Variants in SIPA1L3 observed in about 807,000 individuals in gnomAD.
SIPA1L3 encodes the protein signal-induced proliferation-associated 1-like protein 3.
A neutral mutation model predicts 150.1 loss-of-function variants in SIPA1L3; 59 were observed. That is an observed-to-expected ratio of 0.39 (90% CI 0.32 to 0.49). The LOEUF (loss-of-function observed/expected upper bound fraction) is 0.49, where lower values mean the gene tolerates loss of function less well. Among genes scored for constraint, SIPA1L3 ranks in the 20% least tolerant of loss-of-function variants. The probability of loss-of-function intolerance (pLI) is 0.86; values close to 1 mark genes in which losing one functional copy is unlikely to be tolerated. For missense variants in SIPA1L3, 2,211 were observed against 2,489.5 expected (o/e 0.89, Z 2.38); for synonymous variants, 1,070 against 1,077.6 (o/e 0.99, Z 0.14).
chr19:38,153,193 C>T (rs544494844), intron 13 of SIPA1L3, among the ~76,000 whole-genome samples: 20 of 152,334 alleles, frequency 1.3e-4, no homozygotes, highest in Non-Finnish European at 5.9e-5. Context: ...GGCGTCTGCT[C>T]CCGCTGATAA....
chr19:38,072,880 G>A (rs902148778), intron 2 of SIPA1L3, among the ~76,000 whole-genome samples: 6 of 152,250 alleles, frequency 3.9e-5, no homozygotes, highest in African/African-American at 1.4e-4. Context: ...TGGGCCTTTT[G>A]GAGCCAAGAC....
chr19:38,105,533 C>T (rs1487407472), intron 6 of SIPA1L3, among the ~76,000 whole-genome samples: 1 of 152,178 alleles, frequency 6.6e-6, no homozygotes, highest in African/African-American at 2.4e-5. Flanking sequence ...CCATAACCCT[C>T]CCTCCTATTA....
chr19:38,147,355 A>T (rs1446511801), intron 12 of SIPA1L3, among the ~76,000 whole-genome samples: 1 of 152,114 alleles, frequency 6.6e-6, no homozygotes, highest in Non-Finnish European at 1.5e-5. Flanking sequence ...ATGAGCCACC[A>T]CACCCAGCCT....
rs1178645530 is a variant in SIPA1L3 at position 37,997,882 on chromosome 19, G to GA, written c.-378-31203dup. Among the ~76,000 whole-genome samples, 134 of 144,838 alleles carry GA rather than the reference G, an allele frequency of 9.3e-4. 2 individuals are homozygous for GA. The East Asian group carries it at 0.018, about 19-fold the overall frequency. On this transcript the variant is annotated intron_variant, in intron 1 of 21. Transcript: ENST00000222345. ...TCCATCTCAAAAAAAAAAAAAAAAAGAAAAGAAAAAGAGAGAGAGAGAGTG... is the reference window on the plus strand; with the variant it reads ...TCCATCTCAAAAAAAAAAAAAAAAAGAAAAAGAAAAAGAGAGAGAGAGAGTG...
chr19:38,017,520 CTTTTTTT>C (rs764574386), intron 1 of SIPA1L3, among the ~76,000 whole-genome samples: 1 of 138,830 alleles, frequency 7.2e-6, no homozygotes, highest in Non-Finnish European at 1.6e-5. Flanking sequence ...CAGCTATCTC[CTTTTTTT>C]TTTTTTTTTT....
intron 9 of SIPA1L3, among the ~76,000 whole-genome samples, chr19:38,128,950 G>C (rs59571293): frequency 0.029 from 4,405 of 152,138 alleles, 208 homozygotes; most frequent in African/African-American, 0.1. Context: ...GTATGAAAGC[G>C]GGCATCCTGA....
chr19:37,988,405 G>T (rs1375423972), intron 1 of SIPA1L3, among the ~76,000 whole-genome samples: 3 of 152,242 alleles, frequency 2.0e-5, no homozygotes, highest in African/African-American at 7.2e-5. Flanking sequence ...GCAGGGTGCA[G>T]TGGCTCATGC....
chr19:38,046,162 C>T lies in SIPA1L3; in HGVS notation c.-311+17006C>T, dbSNP rs972913306. Among the ~76,000 whole-genome samples, 1 of 152,072 alleles carries T rather than the reference C, an allele frequency of 6.6e-6. No homozygotes were observed. The highest frequency in any genetic ancestry group is 6.6e-5 in the Admixed American group (1 of 15,266). ...GGAGCTTTCTATAGACGAGAAGGTG[C>T]CCTGGTTCTCGACTCATCAGCCTCT... On this transcript the variant is annotated intron_variant, in intron 2 of 21. Coordinates refer to ENST00000222345, the MANE Select transcript of SIPA1L3 (RefSeq NM_015073.3). The surrounding 1 kb of genome is among the most constrained non-coding windows in gnomAD (Gnocchi z 5.6).
Position 38,071,220 on chromosome 19 carries a change from TC to T in SIPA1L3, c.-310-10035del, listed in dbSNP as rs1600003030. Among the ~76,000 whole-genome samples, 5 of 149,652 alleles carry T rather than the reference TC, an allele frequency of 3.3e-5. No individual in the cohort carries two copies. The East Asian group carries it at 1.1e-3, about 32-fold the overall frequency. ...GTTGTTTTATCTATCTATCTATCTATCTATCTATCTATCTATCTATCTATCT... is the reference window on the plus strand; with the variant it reads ...GTTGTTTTATCTATCTATCTATCTATTATCTATCTATCTATCTATCTATCT... On this transcript the variant is annotated intron_variant, in intron 2 of 21. Coordinates refer to ENST00000222345, the MANE Select transcript of SIPA1L3 (RefSeq NM_015073.3).
chr19:38,186,943 G>A (rs960897192), intron 16 of SIPA1L3, among the ~76,000 whole-genome samples: 2 of 148,796 alleles, frequency 1.3e-5, no homozygotes, highest in South Asian at 2.1e-4. Context: ...GGAGGCGGAG[G>A]TTGTGGTGAG....
intron 2 of SIPA1L3, among the ~76,000 whole-genome samples, chr19:38,058,853 T>A (rs746830927): frequency 6.6e-6 from 1 of 151,904 alleles, no homozygotes; most frequent in South Asian, 2.1e-4. Context: ...GGTGAAACCC[T>A]GTCTCTACTA....
chr19:37,911,959 C>A (rs1346750044), intron 1 of SIPA1L3, among the ~76,000 whole-genome samples: 1 of 151,958 alleles, frequency 6.6e-6, no homozygotes, highest in African/African-American at 2.4e-5. Flanking sequence ...GTAGTCCCAG[C>A]TGCTCAGGAG....
chr19:38,132,620 T>C (rs1200313427), intron 10 of SIPA1L3, among the ~76,000 whole-genome samples: 4 of 150,786 alleles, frequency 2.7e-5, no homozygotes, highest in Non-Finnish European at 5.9e-5. Flanking sequence ...ATTCTCCTAT[T>C]GCATTTGATT....
At chr19:37,960,238 A>G (rs2046844972) in intron 1 of SIPA1L3, among the ~76,000 whole-genome samples, 1 of 152,092 alleles carries the variant, frequency 6.6e-6, no homozygotes, top group South Asian at 2.1e-4. Flanking sequence ...TTGTCTGGGA[A>G]TGCCTTTATT....
In SIPA1L3 at chr19:38,198,531, A is replaced by G; in HGVS notation, c.4983A>G (p.Glu1661=). 6.5e-7 allele frequency: 1 copy of G among 1,546,660 alleles called. No individual in the cohort carries two copies. The highest frequency in any genetic ancestry group is 8.7e-7 in the Non-Finnish European group (1 of 1,148,540). Residue 1661 remains glutamate, a splice_region_variant and synonymous_variant, in exon 19 of 22, where the codon GAA becomes GAG. Transcript: ENST00000222345. ...TGGTGAACGCAGCCAAGGCATACGA[A>G]GGTAGGCGCCTTCCACCCAGTCCCG... ...SSLVNAAKAY[E]VQRAVSLFSL...
At chr19:38,017,168 A>C (rs62121385) in intron 1 of SIPA1L3, among the ~76,000 whole-genome samples, 2 of 152,272 alleles carry the variant, frequency 1.3e-5, no homozygotes, top group South Asian at 2.1e-4. Flanking sequence ...AAGTGCTGGG[A>C]TTACAGGTGT....
chr19:37,929,198 C>CT (rs1194978959), intron 1 of SIPA1L3, among the ~76,000 whole-genome samples: 1 of 152,140 alleles, frequency 6.6e-6, no homozygotes, highest in African/African-American at 2.4e-5. Flanking sequence ...GGGGCTGGGG[C>CT]TGGGGCTGGA....
intron 2 of SIPA1L3, among the ~76,000 whole-genome samples, chr19:38,074,178 G>A (rs537021189): frequency 5.2e-4 from 79 of 152,302 alleles, no homozygotes; most frequent in Non-Finnish European, 9.3e-4. Flanking sequence ...GAGGCTGCGG[G>A]TGCCACTCAG....
At chr19:37,980,280 G>A (rs1002504699) in intron 1 of SIPA1L3, among the ~76,000 whole-genome samples, 2 of 152,092 alleles carry the variant, frequency 1.3e-5, no homozygotes, top group African/African-American at 2.4e-5. Context: ...TTGGGTATCC[G>A]TCTAAGGTAT....
Sources: gnomAD v4.1 joint callset for allele counts (sites outside exome capture counted in the v4.1 genomes callset) on GRCh38, gnomAD v4.1.1 for gene constraint, Gnocchi (gnomAD v3.1) non-coding constraint, MANE v1.5 for transcripts, NCBI Gene and HGNC (gene_info 2026-07-23, HGNC 2026-07-21) for gene names.